The following GDE1 variants were observed in gnomAD, a reference collection of about 807,000 sequenced individuals.
GDE1 encodes RGS16-interacting membrane protein.
Under a neutral mutation model 32.2 loss-of-function variants are expected in GDE1, and 24 were observed. The ratio of observed to expected loss-of-function variants is 0.75; its 90% CI spans 0.54 to 1.05. The LOEUF (loss-of-function observed/expected upper bound fraction) is 1.05, where lower values mean the gene tolerates loss of function less well. Among genes scored for constraint, GDE1 ranks in the 50% least tolerant of loss-of-function variants. GDE1 has a pLI of 0.00. For missense variants in GDE1, 380 were observed against 415.0 expected, an observed-to-expected ratio of 0.92 and a Z score of 0.73; for synonymous variants, 159 against 158.6, an observed-to-expected ratio of 1.00 and a Z score of -0.02.
At chr16:19,513,201 A>C (rs1335930816) in intron 2 of GDE1, among the ~76,000 whole-genome samples, 2 of 152,246 alleles carry the variant, frequency 1.3e-5, no homozygotes, top group African/African-American at 4.8e-5. Context: ...TTTGAGTAGA[A>C]TGGTCACTTT....
At chr16:19,507,334 A>T (rs960552378) in intron 4 of GDE1, among the ~76,000 whole-genome samples, 1 of 152,056 alleles carries the variant, frequency 6.6e-6, no homozygotes, top group African/African-American at 2.4e-5. Context: ...TATTTTATGC[A>T]TGTTTTAGAT....
chr16:19,511,096 CTTTAAGATTTTTTTT>C, intron 2 of GDE1, 152 bp from the exon 3 acceptor site: 2 of 441,496 alleles, frequency 4.5e-6, no homozygotes, highest in Non-Finnish European at 8.1e-6. Flanking sequence ...AGATACTTTA[CTTTAAGATTTTTTTT>C]TTTTTTTTTG....
intron 3 of GDE1, among the ~76,000 whole-genome samples, chr16:19,507,991 C>T (rs1468554218): frequency 6.6e-6 from 1 of 152,192 alleles, no homozygotes; most frequent in Non-Finnish European, 1.5e-5. Context: ...TGGAGTACTG[C>T]TGCTTTACTC....
chr16:19,505,064 G>C lies in GDE1; in HGVS notation c.665C>G (p.Thr222Arg), dbSNP rs1969229037. ...KMRQTDRDVI[T>R]ALTHRPWSLS... The stretch of plus-strand genomic sequence containing the variant: ...GCTCCAAGGTCTGTGAGTTAATGCT[G>C]TTATTACATCCCGATCTGTTTGTCT... The change falls in exon 5 of 6, where the codon ACA becomes AGA. Residue 222 changes from threonine to arginine, a missense_variant. Transcript: ENST00000353258. 6.2e-7 allele frequency: 1 copy of C among 1,611,244 alleles called. No individual in the cohort carries two copies. The highest frequency in any genetic ancestry group is 1.3e-5 in the African/African-American group (1 of 74,864).
At chr16:19,506,447 C>T (rs1280928712) in intron 4 of GDE1, among the ~76,000 whole-genome samples, 1 of 151,996 alleles carries the variant, frequency 6.6e-6, no homozygotes, top group Non-Finnish European at 1.5e-5. Context: ...GTCAGGAGCT[C>T]GAGACCAGCC....
chr16:19,512,288 A>G (rs1969327207), intron 2 of GDE1, among the ~76,000 whole-genome samples: 1 of 151,884 alleles, frequency 6.6e-6, no homozygotes, highest in Non-Finnish European at 1.5e-5. Flanking sequence ...ATGGTACTTC[A>G]TTGTGGTTTT....
chr16:19,505,816 T>C (rs968136414), intron 4 of GDE1, among the ~76,000 whole-genome samples: 3 of 152,210 alleles, frequency 2.0e-5, no homozygotes, highest in African/African-American at 7.2e-5. Flanking sequence ...TATGCTCTGT[T>C]GGTCACTGGT....
intron 1 of GDE1, among the ~76,000 whole-genome samples, chr16:19,521,059 A>G (rs1010354010): frequency 2.0e-5 from 3 of 152,210 alleles, no homozygotes; most frequent in African/African-American, 7.2e-5. Flanking sequence ...AGGGTGATCT[A>G]TTTAGACTAA....
chr16:19,519,584 ATTTACTC>A (rs1969424118), intron 1 of GDE1, among the ~76,000 whole-genome samples: 2 of 151,972 alleles, frequency 1.3e-5, no homozygotes, highest in Non-Finnish European at 2.9e-5. Flanking sequence ...TTTATTGACT[ATTTACTC>A]AGGTCTGGAA....
chr16:19,506,739 C>T (rs932948619), intron 4 of GDE1, among the ~76,000 whole-genome samples: 5 of 152,060 alleles, frequency 3.3e-5, no homozygotes, highest in Non-Finnish European at 7.4e-5. Context: ...ATGACATTTC[C>T]GAGACAAGTC....
intron 2 of GDE1, among the ~76,000 whole-genome samples, chr16:19,513,281 T>C (rs1410626488): frequency 6.6e-6 from 1 of 152,122 alleles, no homozygotes; most frequent in Non-Finnish European, 1.5e-5. Flanking sequence ...AGTTTTCTCA[T>C]CAGTGTTTTG....
intron 1 of GDE1, among the ~76,000 whole-genome samples, chr16:19,517,920 C>T (rs1002692497): frequency 6.7e-6 from 1 of 149,656 alleles, no homozygotes; most frequent in Admixed American, 6.7e-5. Context: ...CAGGATCTGG[C>T]TCTGTTGTTC....
At chr16:19,504,808 C>CTGT in intron 5 of GDE1, 73 bp downstream of exon 5, 1 of 956,554 alleles carries the variant, frequency 1.0e-6, no homozygotes, top group East Asian at 2.5e-5. Context: ...GTTGTCTACT[C>CTGT]TGTTAATCCT....
At chr16:19,511,408 G>GTCC (rs1392359505) in intron 2 of GDE1, among the ~76,000 whole-genome samples, 1 of 152,070 alleles carries the variant, frequency 6.6e-6, no homozygotes, top group Non-Finnish European at 1.5e-5. Context: ...CTGTCCTACT[G>GTCC]TAATAATTTG....
chr16:19,509,386 A>G (rs1344350129), intron 3 of GDE1, among the ~76,000 whole-genome samples: 4 of 152,172 alleles, frequency 2.6e-5, no homozygotes, highest in Non-Finnish European at 5.9e-5. Context: ...GTGGGCTGCA[A>G]CATCAACAAT....
Position 19,510,917 on chromosome 16 carries a change from A to T in GDE1, c.465T>A (p.Pro155=). 1 of 1,594,224 alleles carries T rather than the reference A, an allele frequency of 6.3e-7. No individual in the cohort carries two copies. Among genetic ancestry groups the T allele is most frequent in the Non-Finnish European group, 8.6e-7 (1 of 1,165,384 alleles). ...LRNDFPDEKI[P]TLREAVAECL... ...ACTCTGCAACAGCTTCCCTTAGGGT[A>T]GGGATCTTTTCATCAGGGAAATCAT... Residue 155 remains proline, a synonymous_variant, in exon 3 of 6, where the codon CCT becomes CCA. Coordinates refer to ENST00000353258, the MANE Select transcript of GDE1 (RefSeq NM_016641.4).
At chr16:19,511,531 T>A (rs1204572028) in intron 2 of GDE1, among the ~76,000 whole-genome samples, 1 of 152,238 alleles carries the variant, frequency 6.6e-6, no homozygotes, top group African/African-American at 2.4e-5. Flanking sequence ...AGGATGTCCA[T>A]CACCCCAAAT....
intron 2 of GDE1, among the ~76,000 whole-genome samples, chr16:19,515,846 C>T (rs1338109008): frequency 3.3e-5 from 5 of 152,042 alleles, no homozygotes; most frequent in African/African-American, 1.2e-4. Context: ...ATTGATATTA[C>T]ATGAATAACC....
intron 1 of GDE1, 180 bp downstream of exon 1, chr16:19,521,524 A>G: frequency 1.5e-6 from 1 of 649,368 alleles, no homozygotes; most frequent in Non-Finnish European, 2.6e-6. Context: ...TCTTCTGTAA[A>G]TATAAAACCT....
Sources: gnomAD v4.1 joint callset for allele counts (sites outside exome capture counted in the v4.1 genomes callset) on GRCh38, gnomAD v4.1.1 for gene constraint, MANE v1.5 for transcripts, NCBI Gene and HGNC (gene_info 2026-07-23, HGNC 2026-07-21) for gene names.